Variants in CAMK1G observed in about 807,000 individuals in gnomAD.
CAMK1G encodes the protein calcium/calmodulin dependent protein kinase IG, also known as calcium/calmodulin-dependent protein kinase type 1G.
Under a neutral mutation model 54.8 loss-of-function variants are expected in CAMK1G, and 27 were observed. The ratio of observed to expected loss-of-function variants is 0.49; its 90% CI spans 0.36 to 0.68. CAMK1G has a LOEUF of 0.68. Among genes scored for constraint, CAMK1G ranks in the 30% least tolerant of loss-of-function variants. The pLI, the probability that CAMK1G is intolerant of heterozygous loss-of-function variation, is 0.00. For synonymous variants in CAMK1G, 238 were observed against 224.9 expected (o/e 1.06, Z -0.52); for missense variants, 512 against 591.0 (o/e 0.87, Z 1.39).
At chr1:209,612,745 C>T in intron 11 of CAMK1G, 40 bp from the exon 12 acceptor site, 1 of 1,578,144 alleles carries the variant, frequency 6.3e-7, no homozygotes, top group African/African-American at 1.3e-5. Flanking sequence ...CTCTTCTTCC[C>T]TCAAATACTT....
chr1:209,611,502 C>T lies in CAMK1G; in HGVS notation c.865C>T (p.Pro289Ser), dbSNP rs1227936352. The change falls in exon 10 of 13, where the codon CCA becomes TCA. Residue 289 changes from proline to serine, a missense_variant. Pro to Ser is a moderately conservative substitution (Grantham distance 74, BLOSUM62 -1). Coordinates refer to ENST00000361322, the MANE Select transcript of CAMK1G (RefSeq NM_020439.3). The stretch of plus-strand genomic sequence containing the variant: ...CACAGCCCTCCACCGGGACATCTAC[C>T]CATCAGTCAGCCTCCAGATCCAGAA... ...GNTALHRDIY[P>S]SVSLQIQKNF... 1 of 1,614,188 alleles carries T rather than the reference C, an allele frequency of 6.2e-7. No homozygotes were observed. The highest frequency in any genetic ancestry group is 1.7e-5 in the Admixed American group (1 of 60,026).
rs1665741138 is a variant in CAMK1G at position 209,609,927 on chromosome 1, C to G, written c.825C>G (p.Pro275=). Residue 275 remains proline, a splice_region_variant and synonymous_variant, in exon 9 of 13, where the codon CCC becomes CCG. Transcript: ENST00000361322. ...CCTGTGAGAAGGCCTTGAGTCATCC[C>G]TGGTGAGTGAGACATGGAGTGGACT... ...RYTCEKALSH[P]WIDGNTALHR... 1.9e-6 allele frequency: 3 copies of G among 1,613,586 alleles called. No individual in the cohort carries two copies. Among genetic ancestry groups the G allele is most frequent in the Non-Finnish European group, 2.5e-6 (3 of 1,179,624 alleles).
chr1:209,602,389 C>T (rs1390892066), intron 3 of CAMK1G, among the ~76,000 whole-genome samples: 1 of 152,220 alleles, frequency 6.6e-6, no homozygotes, highest in Non-Finnish European at 1.5e-5. Context: ...TAAAAATAAG[C>T]ATCTACCTTG....
At chr1:209,589,038 G>C (rs1441918409) in intron 1 of CAMK1G, among the ~76,000 whole-genome samples, 1 of 152,304 alleles carries the variant, frequency 6.6e-6, no homozygotes, top group East Asian at 1.9e-4. Context: ...GAAGCTAGGA[G>C]GCAGGTACTG....
At chr1:209,590,073 C>T (rs1665207884) in intron 1 of CAMK1G, among the ~76,000 whole-genome samples, 1 of 152,172 alleles carries the variant, frequency 6.6e-6, no homozygotes, top group Admixed American at 6.5e-5. Flanking sequence ...TGCTCCTGAG[C>T]TTTGAAACCC....
chr1:209,592,017 C>T (rs1454742820), intron 1 of CAMK1G, among the ~76,000 whole-genome samples: 2 of 152,040 alleles, frequency 1.3e-5, no homozygotes, highest in Non-Finnish European at 2.9e-5. Flanking sequence ...CAGGCAGAAG[C>T]CCTGATTGTA....
At chr1:209,613,006 C>A (rs1665820901) in intron 12 of CAMK1G, 34 bp from the exon 13 acceptor site, 2 of 658,580 alleles carry the variant, frequency 3.0e-6, no homozygotes, top group Admixed American at 2.4e-5. Context: ...GAGGTGGCAA[C>A]CCCCTCCTCA....
At chr1:209,587,290 G>A (rs921370984) in intron 1 of CAMK1G, among the ~76,000 whole-genome samples, 1 of 152,004 alleles carries the variant, frequency 6.6e-6, no homozygotes, top group African/African-American at 2.4e-5. Flanking sequence ...AGGGCTGCTC[G>A]AAATTTCATC....
chr1:209,610,007 T>G (rs1665743289), intron 9 of CAMK1G, 78 bp downstream of exon 9: 1 of 1,136,250 alleles, frequency 8.8e-7, no homozygotes, highest in Non-Finnish European at 1.3e-6. Flanking sequence ...ATATTGCATT[T>G]CCCTGGAATC....
Position 209,591,781 on chromosome 1 carries a change from G to T in CAMK1G, c.-29-3174G>T, listed in dbSNP as rs374183994. Among the ~76,000 whole-genome samples, 7 of 152,176 alleles carry T rather than the reference G, an allele frequency of 4.6e-5. No homozygotes were observed. The East Asian group carries it at 9.6e-4, about 21-fold the overall frequency. The stretch of plus-strand genomic sequence containing the variant: ...CATCAGAAGCTAACTAGTGACCTCT[G>T]AAGTATGACTGGTCCCACTGGTTCA... On this transcript the variant is annotated intron_variant, in intron 1 of 12. Transcript: ENST00000361322.
intron 2 of CAMK1G, among the ~76,000 whole-genome samples, chr1:209,597,005 G>T (rs951201503): frequency 6.6e-6 from 1 of 152,232 alleles, no homozygotes; most frequent in East Asian, 1.9e-4. Context: ...GGGAGCAGGA[G>T]GACAAGACAG....
intron 1 of CAMK1G, among the ~76,000 whole-genome samples, chr1:209,593,414 A>T (rs1665304964): frequency 1.3e-5 from 2 of 152,178 alleles, no homozygotes; most frequent in Non-Finnish European, 2.9e-5. Flanking sequence ...TGCTGGCAGA[A>T]ATGGTGTCTC....
At chr1:209,585,096 A>G (rs879880851) in intron 1 of CAMK1G, among the ~76,000 whole-genome samples, 1 of 152,198 alleles carries the variant, frequency 6.6e-6, no homozygotes, top group Non-Finnish European at 1.5e-5. Context: ...TGATAAATTC[A>G]GTGAACTTTC....
chr1:209,601,819 T>C (rs556117636), intron 3 of CAMK1G, among the ~76,000 whole-genome samples: 15 of 152,336 alleles, frequency 9.8e-5, no homozygotes, highest in African/African-American at 3.6e-4. Context: ...GCATTATGCA[T>C]TATCTCCTTT....
At chr1:209,587,197 C>T (rs895608820) in intron 1 of CAMK1G, among the ~76,000 whole-genome samples, 29 of 152,000 alleles carry the variant, frequency 1.9e-4, no homozygotes, top group African/African-American at 6.5e-4. Flanking sequence ...GGTTGCAACC[C>T]GTGAACTGGA....
At chr1:209,601,073 A>G (rs538159414) in intron 3 of CAMK1G, among the ~76,000 whole-genome samples, 2 of 152,228 alleles carry the variant, frequency 1.3e-5, no homozygotes, top group South Asian at 4.1e-4. Flanking sequence ...GTGGGCAAAA[A>G]GAAGTCATCA....
intron 3 of CAMK1G, among the ~76,000 whole-genome samples, chr1:209,601,612 T>G (rs7545918): frequency 0.014 from 2,073 of 152,326 alleles, 44 homozygotes; most frequent in African/African-American, 0.045. Context: ...ATTATTGCCT[T>G]GTATCAACAG....
intron 8 of CAMK1G, 124 bp from the exon 9 acceptor site, chr1:209,609,727 T>C (rs936923796): frequency 1.1e-6 from 1 of 929,632 alleles, no homozygotes. Flanking sequence ...CTAAGACTCT[T>C]AAAATTGCCT....
At position 209,609,564 on chromosome 1, in the gene CAMK1G, T is replaced by G. The variant is rs548427183; in HGVS notation, c.749-287T>G. ...GTGCCAGCGCTGGCCCCTGTTTCAG[T>G]GCAAACACATGCACATGTGATGTGC... On this transcript the variant is annotated intron_variant, in intron 8 of 12. Coordinates refer to ENST00000361322, the MANE Select transcript of CAMK1G (RefSeq NM_020439.3). Among the ~76,000 whole-genome samples the G allele has an allele frequency of 2.6e-5, 4 of 152,326 alleles. No individual in the cohort carries two copies. The East Asian group carries it at 7.7e-4, about 29-fold the overall frequency.
Sources: gnomAD v4.1 joint callset for allele counts (sites outside exome capture counted in the v4.1 genomes callset) on GRCh38, gnomAD v4.1.1 for gene constraint, MANE v1.5 for transcripts, NCBI Gene and HGNC (gene_info 2026-07-23, HGNC 2026-07-21) for gene names.